USP31: variants seen among roughly 807,000 people sequenced by gnomAD.
USP31 encodes the protein ubiquitin carboxyl-terminal hydrolase 31.
Under a neutral mutation model 119.4 loss-of-function variants are expected in USP31, and 44 were observed. The observed-to-expected ratio is 0.37, with a 90% CI of 0.29 to 0.47. The LOEUF (loss-of-function observed/expected upper bound fraction) is 0.47. Ranked by LOEUF, USP31 falls within the 20% of genes least tolerant of loss-of-function variation. USP31 has a pLI of 0.99. For synonymous variants in USP31, 749 were observed against 705.6 expected (o/e 1.06, Z -0.97); for missense variants, 1,643 against 1,730.2 (o/e 0.95, Z 0.89).
rs550936503 is a variant in USP31, at chr16:23,098,128, C to A, written c.1234+4191G>T. Among the ~76,000 whole-genome samples, 17 of 149,628 alleles carry A rather than the reference C, an allele frequency of 1.1e-4. No homozygotes were observed. The East Asian group carries it at 2.3e-3, about 20-fold the overall frequency. On this transcript the variant is annotated intron_variant, in intron 6 of 15. Transcript: ENST00000219689. ...CTGATAAGCAACTTCAGCAAAGTCT[C>A]AGGATACAAAATCAATGTGCAAAAA...
chr16:23,122,493 A>C (rs1902704893), intron 1 of USP31, among the ~76,000 whole-genome samples: 1 of 152,232 alleles, frequency 6.6e-6, no homozygotes, highest in Non-Finnish European at 1.5e-5. Context: ...ATCTCCACAT[A>C]AAAATCTGTA....
At chr16:23,145,778 T>C (rs146647136) in intron 1 of USP31, among the ~76,000 whole-genome samples, 1 of 152,340 alleles carries the variant, frequency 6.6e-6, no homozygotes, top group African/African-American at 2.4e-5. Flanking sequence ...TCACTGTGTG[T>C]GCCAATTGCC....
At chr16:23,083,695 C>CGGGGGGGGGG (rs11311505) in intron 11 of USP31, among the ~76,000 whole-genome samples, 8 of 37,880 alleles carry the variant, frequency 2.1e-4, no homozygotes, top group Non-Finnish European at 2.8e-4. Flanking sequence ...GCAAACCTGG[C>CGGGGGGGGGG]GGGGGGGGGG....
intron 14 of USP31, 58 bp downstream of exon 14, chr16:23,073,661 GACC>G: frequency 6.3e-7 from 1 of 1,582,776 alleles, no homozygotes; most frequent in Non-Finnish European, 8.6e-7. Context: ...AGGTCCTCTA[GACC>G]ATTCATTACA....
In USP31 at chr16:23,063,037, C is replaced by G. The variant is rs1422033622; in HGVS notation, c.*5009G>C. 6.6e-6 allele frequency: 1 copy of G among 152,396 alleles called. No homozygotes were observed. Among genetic ancestry groups the G allele is most frequent in the Non-Finnish European group, 1.5e-5 (1 of 68,036 alleles). 9.4% of individuals were successfully genotyped at this position (152,396 alleles called of 1,614,324 possible). A position where few individuals can be genotyped will look rare whatever the true frequency, so the allele number is the denominator to read the frequency against. On this transcript the variant is annotated 3_prime_UTR_variant, in exon 16 of 16. Coordinates refer to ENST00000219689, the MANE Select transcript of USP31 (RefSeq NM_020718.4). ...TGGTAATTCCTGGATCCCACCCCTA[C>G]ATGAATTAGATCAAAAGCTAGGGAC...
chr16:23,137,599 CAT>C (rs574159990), intron 1 of USP31, among the ~76,000 whole-genome samples: 20 of 150,370 alleles, frequency 1.3e-4, no homozygotes, highest in Admixed American at 2.7e-4. Flanking sequence ...TAACACATGA[CAT>C]ATATATATGT....
chr16:23,068,222 T>C lies in USP31; in HGVS notation c.3883A>G (p.Thr1295Ala). 6.2e-7 allele frequency: 1 copy of C among 1,614,198 alleles called. No individual in the cohort carries two copies. The highest frequency in any genetic ancestry group is 8.5e-7 in the Non-Finnish European group (1 of 1,180,034). The change falls in exon 16 of 16, where the codon ACC becomes GCC. Residue 1295 changes from threonine to alanine, a missense_variant. Around this residue, in one of 5 missense-constraint regions of USP31, gnomAD observed 699 missense variants for 650.9 expected, o/e 1.07. Coordinates refer to ENST00000219689, the MANE Select transcript of USP31 (RefSeq NM_020718.4). ...ANTTGKEQLV[T>A]KDPASAKHSL... Reference sequence around the variant, plus strand: ...TGTTTGGCAGAAGCAGGGTCCTTGGTGACAAGCTGCTCTTTTCCCGTTGTA... The same window carrying C: ...TGTTTGGCAGAAGCAGGGTCCTTGGCGACAAGCTGCTCTTTTCCCGTTGTA...
chr16:23,109,548 A>G (rs1329260786), intron 1 of USP31, among the ~76,000 whole-genome samples: 2 of 152,174 alleles, frequency 1.3e-5, no homozygotes, highest in African/African-American at 4.8e-5. Flanking sequence ...TCCAGGAGGT[A>G]GAGCTTACCA....
At chr16:23,085,729 G>C in intron 9 of USP31, 67 bp from the exon 10 acceptor site, 2 of 1,285,576 alleles carry the variant, frequency 1.6e-6, no homozygotes, top group Non-Finnish European at 2.2e-6. Flanking sequence ...TTTACTTAAT[G>C]TGATTATGTC....
intron 1 of USP31, among the ~76,000 whole-genome samples, chr16:23,116,764 A>C (rs1307695763): frequency 6.6e-6 from 1 of 152,154 alleles, no homozygotes; most frequent in Non-Finnish European, 1.5e-5. Flanking sequence ...CCTCCTCAGA[A>C]AGATAAGCAG....
chr16:23,089,753 C>CT (rs1021802912), intron 7 of USP31, among the ~76,000 whole-genome samples: 95 of 152,310 alleles, frequency 6.2e-4, no homozygotes, highest in Middle Eastern at 3.4e-3. Context: ...CCCATACACT[C>CT]TTACAGAGGG....
chr16:23,074,924 A>G (rs1408046571), intron 13 of USP31, among the ~76,000 whole-genome samples: 1 of 152,218 alleles, frequency 6.6e-6, no homozygotes, highest in Non-Finnish European at 1.5e-5. Flanking sequence ...AACGAGTGCT[A>G]GAATATTTAG....
At chr16:23,102,964 G>A (rs1250868256) in intron 5 of USP31, among the ~76,000 whole-genome samples, 6 of 152,146 alleles carry the variant, frequency 3.9e-5, no homozygotes, top group African/African-American at 1.4e-4. Flanking sequence ...TAAATACTGT[G>A]CCATGTTATA....
At position 23,085,528 on chromosome 16, in the gene USP31, T is replaced by C. The variant is rs550818813; in HGVS notation, c.1700+57A>G. 4.2e-6 allele frequency: 6 copies of C among 1,445,250 alleles called. No individual in the cohort carries two copies. In the East Asian group the frequency reaches 6.8e-5, roughly 16 times the overall value. 89.5% of individuals were successfully genotyped at this position (1,445,250 alleles called of 1,614,324 possible). ...CTCATTTAACATATCAAAGGTGTGC[T>C]ATAAAAATGATAATTAAAACAATGT... On this transcript the variant is annotated intron_variant, in intron 10 of 15. Transcript: ENST00000219689.
chr16:23,073,109 T>G (rs1900413716), intron 14 of USP31, among the ~76,000 whole-genome samples: 1 of 152,132 alleles, frequency 6.6e-6, no homozygotes, highest in Admixed American at 6.5e-5. Context: ...GTGGCTGCAT[T>G]CATATTGTGT....
chr16:23,092,936 C>T (rs999752338), intron 6 of USP31, among the ~76,000 whole-genome samples: 1 of 152,074 alleles, frequency 6.6e-6, no homozygotes, highest in East Asian at 1.9e-4. Context: ...TCAATGAGGA[C>T]AGTACAATCT....
At chr16:23,077,203 G>C (rs1900614428) in intron 13 of USP31, among the ~76,000 whole-genome samples, 1 of 152,220 alleles carries the variant, frequency 6.6e-6, no homozygotes. Flanking sequence ...ACAGCAGGCA[G>C]AGGCAATCCA....
chr16:23,149,156 C>A lies in USP31; in HGVS notation c.115G>T (p.Gly39Trp). ...RSGRAGGGGA[G>W]GPGASGPAAP... is the part of the protein sequence containing the mutation. The stretch of plus-strand genomic sequence containing the variant: ...GCCGGCCCGGACGCCCCGGGGCCCC[C>A]CGCGCCGCCGCCGCCAGCGCGGCCG... Residue 39 changes from glycine (G) to tryptophan (W), a missense_variant, in exon 1 of 16, where the codon GGG (glycine) becomes TGG (tryptophan). Coordinates refer to ENST00000219689, the MANE Select transcript of USP31 (RefSeq NM_020718.4). 2 of 1,172,614 alleles carry A rather than the reference C, an allele frequency of 1.7e-6. No individual in the cohort carries two copies. Among genetic ancestry groups the A allele is most frequent in the East Asian group, 4.3e-5 (1 of 23,444 alleles). 72.6% of individuals were successfully genotyped at this position (1,172,614 alleles called of 1,614,324 possible).
At chr16:23,107,943 T>C (rs1353292345) in intron 2 of USP31, 103 bp downstream of exon 2, 5 of 1,377,896 alleles carry the variant, frequency 3.6e-6, no homozygotes, top group Non-Finnish European at 4.9e-6. Context: ...CACCCAGAGC[T>C]TAGTCAATTT....
Sources: gnomAD v4.1 joint callset for allele counts (sites outside exome capture counted in the v4.1 genomes callset) on GRCh38, gnomAD v4.1.1 for gene constraint, gnomAD v4.1.1 regional missense constraint, MANE v1.5 for transcripts, NCBI Gene and HGNC (gene_info 2026-07-23, HGNC 2026-07-21) for gene names.